Variants in CLVS2 observed in about 807,000 individuals in gnomAD.
CLVS2 encodes the protein clavesin-2.
In CLVS2, 19 loss-of-function variants were observed where a neutral mutation model predicts 29.0. That is an observed-to-expected ratio of 0.66 (90% confidence interval 0.46 to 0.96). CLVS2 has a LOEUF of 0.96. Among genes scored for constraint, CLVS2 ranks in the 40% least tolerant of loss-of-function variants. CLVS2 has a pLI of 0.00. For synonymous variants in CLVS2, 161 were observed against 151.3 expected (o/e 1.06, Z -0.47); for missense variants, 294 against 404.1 (o/e 0.73, Z 2.34).
intron 3 of CLVS2, among the ~76,000 whole-genome samples, chr6:123,047,745 G>GT (rs67598342): frequency 0.37 from 55,359 of 150,392 alleles, 11,708 homozygotes; most frequent in Non-Finnish European, 0.5. Context: ...TAGTAGGCTA[G>GT]TTTTTTTTTT....
Position 123,071,489 on chromosome 6 carries a change from G to T in CLVS2, c.*7728G>T, listed in dbSNP as rs1772947727. The T allele has an allele frequency of 6.6e-6, 1 of 151,942 alleles. No homozygotes were observed. Among genetic ancestry groups the T allele is most frequent in the Non-Finnish European group, 1.5e-5 (1 of 67,926 alleles). The allele number at this position is 151,942 out of a possible 1,614,324, so 9.4% of individuals were successfully genotyped here. On this transcript the variant is annotated 3_prime_UTR_variant, in exon 6 of 6. Coordinates refer to ENST00000275162, the MANE Select transcript of CLVS2 (RefSeq NM_001010852.4). ...TGGCTTACTCTTGGAGAGACTACAA[G>T]ATAGCTCAGGGGAAAAGTCATTTTG... is the stretch of plus-strand genomic sequence containing the variant.
rs554966127 is a variant in CLVS2, at chr6:123,049,679, A to AT, written c.675+951dup. 5.2e-3 allele frequency among the ~76,000 whole-genome samples: 795 copies of AT among 152,148 alleles called. 3 individuals carry two copies. The highest frequency in any genetic ancestry group is 7.0e-3 in the Non-Finnish European group (474 of 68,012). On this transcript the variant is annotated intron_variant, in intron 4 of 5. Transcript: ENST00000275162. Reference sequence around the variant, plus strand: ...TTCCTCTAAATCTATATGGAAGATAATTTTCCATGTTTCTCAATGACCTAG... The same window carrying AT: ...TTCCTCTAAATCTATATGGAAGATAATTTTTCCATGTTTCTCAATGACCTAG...
At chr6:123,055,716 A>G (rs1772684137) in intron 4 of CLVS2, 90 bp from the exon 5 acceptor site, 4 of 891,546 alleles carry the variant, frequency 4.5e-6, no homozygotes, top group Non-Finnish European at 7.4e-6. Context: ...CATATTTGCT[A>G]TTGCTATCCT....
intron 5 of CLVS2, among the ~76,000 whole-genome samples, chr6:123,062,462 AC>A (rs1772792768): frequency 6.6e-6 from 1 of 151,818 alleles, no homozygotes; most frequent in African/African-American, 2.4e-5. Context: ...TTACGCTCAC[AC>A]ACACAACTTT....
intron 4 of CLVS2, among the ~76,000 whole-genome samples, chr6:123,050,548 A>G (rs1228744461): frequency 6.6e-6 from 1 of 152,130 alleles, no homozygotes; most frequent in Non-Finnish European, 1.5e-5. Flanking sequence ...AAGGAATAGC[A>G]AAGACAAATG....
At chr6:123,037,220 C>T (rs1022320646) in intron 3 of CLVS2, among the ~76,000 whole-genome samples, 3 of 152,102 alleles carry the variant, frequency 2.0e-5, no homozygotes, top group African/African-American at 7.2e-5. Flanking sequence ...AATTAGTGGT[C>T]TCTCAACTAA....
intron 3 of CLVS2, among the ~76,000 whole-genome samples, chr6:123,022,683 A>G (rs890832969): frequency 1.3e-5 from 2 of 152,024 alleles, no homozygotes; most frequent in African/African-American, 2.4e-5. Flanking sequence ...TTCTTGGCAA[A>G]TAAATGCAAC....
Position 123,070,580 on chromosome 6 carries a change from G to A in CLVS2, c.*6819G>A, listed in dbSNP as rs1290393099. 6.6e-6 allele frequency: 1 copy of A among 151,954 alleles called. No homozygotes were observed. The highest frequency in any genetic ancestry group is 1.5e-5 in the Non-Finnish European group (1 of 67,942). The allele number at this position is 151,954 out of a possible 1,614,324, so 9.4% of individuals were successfully genotyped here. ...ATTTTGTTCTCCAAACCCTCTGAAAGAGTAAAAGCCGATGTCTTTATATCA... is the reference window on the plus strand; with the variant it reads ...ATTTTGTTCTCCAAACCCTCTGAAAAAGTAAAAGCCGATGTCTTTATATCA... On this transcript the variant is annotated 3_prime_UTR_variant, in exon 6 of 6. Coordinates refer to ENST00000275162, the MANE Select transcript of CLVS2 (RefSeq NM_001010852.4).
At chr6:122,997,118 C>T (rs1774520511) in intron 1 of CLVS2, 101 bp from the exon 2 acceptor site, 1 of 158,980 alleles carries the variant, frequency 6.3e-6, no homozygotes, top group African/African-American at 2.4e-5. Context: ...ATAAATCACA[C>T]AAATTTGTCT....
intron 2 of CLVS2, among the ~76,000 whole-genome samples, chr6:122,999,266 A>G (rs977585932): frequency 6.6e-6 from 1 of 152,218 alleles, no homozygotes; most frequent in Non-Finnish European, 1.5e-5. Context: ...CTTATGGATC[A>G]TAGAGATTTC....
rs139717598 is a variant in CLVS2 at position 123,011,128 on chromosome 6, G to A, written c.533G>A (p.Ser178Asn). The A allele has an allele frequency of 3.9e-3, 6,168 of 1,598,154 alleles. 21 individuals are homozygous for A. Among genetic ancestry groups the A allele is most frequent in the Non-Finnish European group, 4.5e-3 (5,245 of 1,171,242 alleles). Residue 178 changes from serine (S) to asparagine (N), a missense_variant, in exon 3 of 6, where the codon AGT (serine) becomes AAT (asparagine). Physicochemically the swap from Ser to Asn is conservative, Grantham distance 46. Around this residue, in one of 2 missense-constraint regions of CLVS2, gnomAD observed 212 missense variants for 336.4 expected, o/e 0.63. Transcript: ENST00000275162. The part of the protein sequence containing the change: ...TFKQASKLTP[S>N]MLRLAIEGLQ... ...AAGCAAGCCTCTAAACTCACACCAA[G>A]TATGCTGCGATTAGCTATTGAAGGC...
intron 3 of CLVS2, among the ~76,000 whole-genome samples, chr6:123,027,001 A>T (rs1775011566): frequency 6.6e-6 from 1 of 152,110 alleles, no homozygotes; most frequent in African/African-American, 2.4e-5. Context: ...ATGTGGAGAG[A>T]TGTACGTAGG....
chr6:123,061,173 C>T (rs979249698), intron 5 of CLVS2, among the ~76,000 whole-genome samples: 2 of 152,048 alleles, frequency 1.3e-5, no homozygotes, highest in African/African-American at 2.4e-5. Context: ...TGGTGGTGCA[C>T]GCTTGTAATC....
chr6:123,014,674 T>G (rs1179057495), intron 3 of CLVS2, among the ~76,000 whole-genome samples: 2 of 152,092 alleles, frequency 1.3e-5, no homozygotes, highest in Non-Finnish European at 2.9e-5. Context: ...AGCTCATTTT[T>G]CAGGTGCCAT....
chr6:123,004,490 A>G (rs1026001981), intron 2 of CLVS2, among the ~76,000 whole-genome samples: 4 of 152,202 alleles, frequency 2.6e-5, no homozygotes, highest in Non-Finnish European at 2.9e-5. Context: ...GCCATTTCTT[A>G]TTCTGAGTCC....
At chr6:123,031,230 CA>C (rs2114333978) in intron 3 of CLVS2, among the ~76,000 whole-genome samples, 1 of 152,240 alleles carries the variant, frequency 6.6e-6, no homozygotes, top group South Asian at 2.1e-4. Flanking sequence ...CTCAGCCTCC[CA>C]AAGTTCTAGG....
At chr6:123,004,746 C>G (rs3892276) in intron 2 of CLVS2, among the ~76,000 whole-genome samples, 47,060 of 151,838 alleles carry the variant, frequency 0.31, 8,209 homozygotes, top group East Asian at 0.7. Flanking sequence ...AACCCCGTCT[C>G]TACTAAAATT....
intron 5 of CLVS2, among the ~76,000 whole-genome samples, chr6:123,057,296 C>A (rs565638149): frequency 1.3e-5 from 2 of 149,992 alleles, no homozygotes; most frequent in Non-Finnish European, 1.5e-5. Flanking sequence ...ATAGCTCTGA[C>A]TCATGGAGTA....
intron 3 of CLVS2, among the ~76,000 whole-genome samples, chr6:123,018,650 T>C (rs1774875843): frequency 6.8e-6 from 1 of 146,870 alleles, no homozygotes; most frequent in South Asian, 2.2e-4. Flanking sequence ...TACTCTTTTT[T>C]CTTTATGTTC....
Sources: allele counts gnomAD v4.1 joint callset (sites outside exome capture counted in the v4.1 genomes callset), GRCh38; gene constraint gnomAD v4.1.1; regional missense constraint gnomAD v4.1.1; transcripts MANE v1.5; gene names NCBI Gene and HGNC (gene_info 2026-07-23, HGNC 2026-07-21).